MTUS2: variants seen among roughly 807,000 people sequenced by gnomAD.
MTUS2 encodes microtubule associated scaffold protein 2.
Under a neutral mutation model 114.1 loss-of-function variants are expected in MTUS2, and 40 were observed. The observed-to-expected ratio is 0.35, with a 90% CI of 0.27 to 0.46. MTUS2 has a LOEUF of 0.46. Among genes scored for constraint, MTUS2 ranks in the 20% least tolerant of loss-of-function variants. The probability of loss-of-function intolerance (pLI) is 1.00; values close to 1 mark genes in which losing one functional copy is unlikely to be tolerated. For synonymous variants in MTUS2, 688 were observed against 672.0 expected, an observed-to-expected ratio of 1.02 and a Z score of -0.37; for missense variants, 1,679 against 1,705.4, an observed-to-expected ratio of 0.98 and a Z score of 0.27.
chr13:29,064,032 A>T (rs1403837644), intron 4 of MTUS2, among the ~76,000 whole-genome samples: 2 of 152,198 alleles, frequency 1.3e-5, no homozygotes, highest in Non-Finnish European at 1.5e-5. Flanking sequence ...GCATTGATTC[A>T]TTCTGTTAAC....
At chr13:28,984,550 A>G (rs1884493702) in intron 2 of MTUS2, among the ~76,000 whole-genome samples, 1 of 152,214 alleles carries the variant, frequency 6.6e-6, no homozygotes. Context: ...CATGGAGTGA[A>G]GGTCAGCGTG....
At position 29,088,268 on chromosome 13, in the gene MTUS2, A is replaced by T. The variant is rs1024343986; in HGVS notation, c.2447-12505A>T. On this transcript the variant is annotated intron_variant, in intron 4 of 15. Transcript: ENST00000612955. ...TTCAAGAGCAAGTTGTTTAATTTTC[A>T]TGTAATTATATGGTTTAGAGTGATC... Among the ~76,000 whole-genome samples the T allele has an allele frequency of 4.4e-5, 6 of 135,288 alleles. No homozygotes were observed. The East Asian group carries it at 9.9e-4, about 22-fold the overall frequency. 88.8% of individuals were successfully genotyped at this position (135,288 alleles called of 152,430 possible).
chr13:29,481,575 C>G (rs928611912), intron 10 of MTUS2, among the ~76,000 whole-genome samples: 1 of 152,084 alleles, frequency 6.6e-6, no homozygotes, highest in African/African-American at 2.4e-5. Context: ...CTTCATTGTC[C>G]GAAACCCTTG....
At chr13:29,215,638 T>G (rs1895649356) in intron 5 of MTUS2, among the ~76,000 whole-genome samples, 1 of 152,194 alleles carries the variant, frequency 6.6e-6, no homozygotes, top group Admixed American at 6.5e-5. Context: ...GGCCCCTCTA[T>G]TGCTGGTCTG....
intron 6 of MTUS2, among the ~76,000 whole-genome samples, chr13:29,286,381 A>C (rs1898480119): frequency 6.6e-6 from 1 of 152,212 alleles, no homozygotes; most frequent in African/African-American, 2.4e-5. Flanking sequence ...ATGAAACAAC[A>C]CTGGCCACAC....
intron 5 of MTUS2, among the ~76,000 whole-genome samples, chr13:29,189,222 C>T (rs1894347070): frequency 6.6e-6 from 1 of 152,238 alleles, no homozygotes. Flanking sequence ...AGAGAATATT[C>T]AGGACTTTCA....
chr13:29,298,482 A>G (rs1460706968), intron 6 of MTUS2, among the ~76,000 whole-genome samples: 3 of 152,206 alleles, frequency 2.0e-5, no homozygotes, highest in Non-Finnish European at 4.4e-5. Flanking sequence ...AACATCATCA[A>G]AATGTGTTTG....
intron 2 of MTUS2, among the ~76,000 whole-genome samples, chr13:29,015,188 C>G (rs1239748689): frequency 1.3e-5 from 2 of 152,026 alleles, no homozygotes; most frequent in Non-Finnish European, 2.9e-5. Flanking sequence ...GACTGTGTGC[C>G]AAAACTCGCA....
intron 8 of MTUS2, among the ~76,000 whole-genome samples, chr13:29,401,823 T>C (rs554228133): frequency 6.6e-6 from 1 of 152,284 alleles, no homozygotes; most frequent in East Asian, 1.9e-4. Context: ...TCATAAATAT[T>C]CTCTTACATT....
intron 7 of MTUS2, among the ~76,000 whole-genome samples, chr13:29,341,263 C>T (rs1901380954): frequency 6.6e-6 from 1 of 152,002 alleles, no homozygotes; most frequent in Non-Finnish European, 1.5e-5. Flanking sequence ...TTTACATTCC[C>T]ACCAGCAGTA....
At chr13:29,360,926 G>A (rs923502832) in intron 8 of MTUS2, among the ~76,000 whole-genome samples, 2 of 152,110 alleles carry the variant, frequency 1.3e-5, no homozygotes, top group African/African-American at 2.4e-5. Flanking sequence ...CATCCAAAGA[G>A]TCAGAACAAG....
At chr13:28,982,193 A>C (rs1275906264) in intron 2 of MTUS2, among the ~76,000 whole-genome samples, 15 of 152,162 alleles carry the variant, frequency 9.9e-5, no homozygotes. Context: ...GGAAAAAGGC[A>C]CATTCTCTGG....
chr13:29,480,022 C>A lies in MTUS2; in HGVS notation c.3185-128C>A. ...GGAAAGCACTTTACAAACTGTGTAGCCCTGCAGAAGTCAGAGGACCTCGCC... is the reference window on the plus strand; with the variant it reads ...GGAAAGCACTTTACAAACTGTGTAGACCTGCAGAAGTCAGAGGACCTCGCC... On this transcript the variant is annotated intron_variant, in intron 9 of 15. Transcript: ENST00000612955. This position sits in a 1 kb window ranked among gnomAD's most constrained non-coding sequence, Gnocchi z 4.4. The A allele has an allele frequency of 1.2e-6, 1 of 847,398 alleles. No individual in the cohort carries two copies. Among genetic ancestry groups the A allele is most frequent in the African/African-American group, 1.7e-5 (1 of 58,602 alleles). 52.5% of individuals were successfully genotyped at this position (847,398 alleles called of 1,614,324 possible).
chr13:29,464,861 A>C (rs1879775355), intron 9 of MTUS2, among the ~76,000 whole-genome samples: 1 of 152,224 alleles, frequency 6.6e-6, no homozygotes, highest in South Asian at 2.1e-4. Flanking sequence ...GCTGAATCAG[A>C]AACTCTGGGT....
At chr13:29,027,559 T>C (rs1181915346) in intron 3 of MTUS2, among the ~76,000 whole-genome samples, 1 of 152,162 alleles carries the variant, frequency 6.6e-6, no homozygotes, top group Non-Finnish European at 1.5e-5. Context: ...TTTGGCTTTT[T>C]CTTTGTTTTT....
At chr13:28,937,298 A>G (rs1172888774) in intron 2 of MTUS2, among the ~76,000 whole-genome samples, 1 of 150,806 alleles carries the variant, frequency 6.6e-6, no homozygotes, top group Non-Finnish European at 1.5e-5. Context: ...ACCAGTAAGC[A>G]CTCTGTAAAA....
chr13:29,448,349 C>G (rs1409329855), intron 9 of MTUS2, among the ~76,000 whole-genome samples: 1 of 152,194 alleles, frequency 6.6e-6, no homozygotes, highest in Non-Finnish European at 1.5e-5. Context: ...TGGGGCTGCT[C>G]AAAGCTGTGA....
At chr13:28,890,197 G>T (rs1878835914) in intron 2 of MTUS2, among the ~76,000 whole-genome samples, 1 of 152,110 alleles carries the variant, frequency 6.6e-6, no homozygotes, top group Non-Finnish European at 1.5e-5. Context: ...GGCTCGGAAG[G>T]GACCTTACTG....
At chr13:29,255,151 C>T (rs1384469097) in intron 5 of MTUS2, among the ~76,000 whole-genome samples, 1 of 152,160 alleles carries the variant, frequency 6.6e-6, no homozygotes, top group African/African-American at 2.4e-5. Context: ...CCTGTAATTG[C>T]ACCCCACTTA....
Sources: allele counts gnomAD v4.1 joint callset (sites outside exome capture counted in the v4.1 genomes callset), GRCh38; gene constraint gnomAD v4.1.1; non-coding constraint Gnocchi (gnomAD v3.1); transcripts MANE v1.5; gene names NCBI Gene and HGNC (gene_info 2026-07-23, HGNC 2026-07-21).